The following ELL variants were observed in gnomAD, a reference collection of about 807,000 sequenced individuals.
ELL encodes the protein RNA polymerase II elongation factor ELL.
ELL carries 18 observed loss-of-function variants against 64.0 expected under a neutral mutation model. The ratio of observed to expected loss-of-function variants is 0.28; its 90% CI spans 0.19 to 0.42. The LOEUF is 0.42. ELL is among the 10% of genes least tolerant of loss of function. The pLI is 1.00. For missense variants in ELL, 797 were observed against 870.4 expected (o/e 0.92, Z 1.06); for synonymous variants, 399 against 376.2 (o/e 1.06, Z -0.70).
rs775876078 is a variant in ELL, at chr19:18,449,747, CCT to C, written c.1465+728_1465+729del. 9.9e-5 allele frequency among the ~76,000 whole-genome samples: 15 copies of C among 152,230 alleles called. No individual in the cohort carries two copies. The South Asian group carries it at 1.0e-3, about 10-fold the overall frequency. On this transcript the variant is annotated intron_variant, in intron 8 of 11. Coordinates refer to ENST00000262809, the MANE Select transcript of ELL (RefSeq NM_006532.4). This position sits in a 1 kb window ranked among gnomAD's most constrained non-coding sequence, Gnocchi z 4.4. ...ATCGCCACATGGGACCACTGCAGCC[CCT>C]GTCGCACATGGTGGTGGAACAGCCG...
rs78701603 is a variant in ELL, at chr19:18,513,056, A to G, written c.135+8865T>C. 3.3e-5 allele frequency among the ~76,000 whole-genome samples: 5 copies of G among 152,300 alleles called. No individual in the cohort carries two copies. In the East Asian group the frequency reaches 9.6e-4, roughly 29 times the overall value. On this transcript the variant is annotated intron_variant, in intron 1 of 11. Coordinates refer to ENST00000262809, the MANE Select transcript of ELL (RefSeq NM_006532.4). ...ATATACTTGCGGTCTCCCCATCTGA[A>G]GAACGGTGAGAAGGACTGACCACAG...
At chr19:18,514,639 CTG>C (rs1275534682) in intron 1 of ELL, among the ~76,000 whole-genome samples, 1 of 152,066 alleles carries the variant, frequency 6.6e-6, no homozygotes, top group Non-Finnish European at 1.5e-5. Context: ...CCTTTGGACT[CTG>C]TGGCTGACTA....
intron 1 of ELL, among the ~76,000 whole-genome samples, chr19:18,504,616 G>A (rs1247210231): frequency 6.6e-5 from 10 of 152,260 alleles, no homozygotes; most frequent in South Asian, 4.1e-4. Context: ...GCCTGGCACC[G>A]CCCACAGGGT....
chr19:18,458,751 G>A (rs1346938095), intron 5 of ELL, among the ~76,000 whole-genome samples: 2 of 152,142 alleles, frequency 1.3e-5, no homozygotes, highest in Non-Finnish European at 2.9e-5. Context: ...TCCCACGTCA[G>A]CCTCCCAGGT....
chr19:18,502,423 G>A (rs999318151), intron 1 of ELL, among the ~76,000 whole-genome samples: 5 of 152,154 alleles, frequency 3.3e-5, no homozygotes, highest in Non-Finnish European at 7.4e-5. Flanking sequence ...ACTGTGCCTC[G>A]CAGTGGGCAG....
At chr19:18,481,325 G>A (rs1975295408) in intron 1 of ELL, among the ~76,000 whole-genome samples, 1 of 152,222 alleles carries the variant, frequency 6.6e-6, no homozygotes, top group African/African-American at 2.4e-5. Flanking sequence ...GGGGCCAGAA[G>A]TCTGAAATCC....
chr19:18,474,888 C>G (rs943563446), intron 1 of ELL, among the ~76,000 whole-genome samples: 1 of 152,126 alleles, frequency 6.6e-6, no homozygotes, highest in Non-Finnish European at 1.5e-5. Flanking sequence ...TTTGGGAGGC[C>G]GAGGTGGGCA....
intron 1 of ELL, among the ~76,000 whole-genome samples, chr19:18,510,625 C>T (rs1975998808): frequency 6.6e-6 from 1 of 152,150 alleles, no homozygotes; most frequent in Admixed American, 6.5e-5. Context: ...GGTCCTAGCT[C>T]TCACAGGACA....
At position 18,517,707 on chromosome 19, in the gene ELL, T is replaced by A. The variant is rs183046344; in HGVS notation, c.135+4214A>T. Among the ~76,000 whole-genome samples, 236 of 149,938 alleles carry A rather than the reference T, an allele frequency of 1.6e-3. 4 individuals carry two copies. In the East Asian group the frequency reaches 0.028, roughly 18 times the overall value. On this transcript the variant is annotated intron_variant, in intron 1 of 11. Transcript: ENST00000262809. ...GAAACCCCATCTCTACAAAAAAAAA[T>A]TTTTTTTAATTAAAAGAAAAAGAAA...
intron 1 of ELL, among the ~76,000 whole-genome samples, chr19:18,491,427 T>C (rs978024502): frequency 1.6e-4 from 24 of 151,824 alleles, no homozygotes; most frequent in African/African-American, 4.6e-4. Flanking sequence ...TCAGTAGACT[T>C]TGAGTAAAGC....
At position 18,481,443 on chromosome 19, in the gene ELL, A is replaced by C. The variant is rs573858334; in HGVS notation, c.136-8561T>G. Reference sequence around the variant, plus strand: ...CCCTGGCTTGTGGCTGCATCACCCTAATCTCTGCCCACTGGGGTCATGCAG... The same window carrying C: ...CCCTGGCTTGTGGCTGCATCACCCTCATCTCTGCCCACTGGGGTCATGCAG... On this transcript the variant is annotated intron_variant, in intron 1 of 11. Transcript: ENST00000262809. 2.0e-5 allele frequency among the ~76,000 whole-genome samples: 3 copies of C among 151,978 alleles called. No homozygotes were observed. The South Asian group carries it at 6.3e-4, about 32-fold the overall frequency.
intron 6 of ELL, among the ~76,000 whole-genome samples, chr19:18,456,784 T>C (rs1974686940): frequency 6.6e-6 from 1 of 152,094 alleles, no homozygotes; most frequent in South Asian, 2.1e-4. Context: ...GGGAGGCTCC[T>C]GCAGTGACTT....
intron 1 of ELL, among the ~76,000 whole-genome samples, chr19:18,509,617 A>G (rs1011097963): frequency 0.037 from 4,711 of 128,620 alleles, 314 homozygotes; most frequent in African/African-American, 0.087. Context: ...ACACACACAC[A>G]CACACACACA....
intron 1 of ELL, among the ~76,000 whole-genome samples, chr19:18,477,061 A>G (rs950977847): frequency 1.3e-5 from 2 of 152,224 alleles, no homozygotes; most frequent in African/African-American, 4.8e-5. Context: ...CGTGGGAAGC[A>G]CAGAGATGCC....
intron 5 of ELL, 139 bp from the exon 6 acceptor site, chr19:18,458,468 T>A: frequency 7.4e-7 from 1 of 1,344,312 alleles, no homozygotes; most frequent in Non-Finnish European, 1.0e-6. Context: ...GGAAAGAGGA[T>A]GGCCCACTAC....
chr19:18,481,977 G>A lies in ELL; in HGVS notation c.136-9095C>T, dbSNP rs537407737. Among the ~76,000 whole-genome samples the A allele has an allele frequency of 1.7e-3, 258 of 152,274 alleles. 2 individuals carry two copies. Among genetic ancestry groups the A allele is most frequent in the African/African-American group, 5.8e-3 (240 of 41,556 alleles). On this transcript the variant is annotated intron_variant, in intron 1 of 11. Transcript: ENST00000262809. ...ACCATTTTGTACTGCCGCCGGCAGC[G>A]AATGAGAGTTCCTGTTGCTCCCCAT...
intron 6 of ELL, among the ~76,000 whole-genome samples, 156 bp downstream of exon 6, chr19:18,458,049 G>C (rs1974719592): frequency 6.6e-6 from 1 of 152,198 alleles, no homozygotes; most frequent in Admixed American, 6.5e-5. Flanking sequence ...GTGGGCAGTA[G>C]GGAGGATGGC....
At chr19:18,483,345 T>C (rs1201521224) in intron 1 of ELL, among the ~76,000 whole-genome samples, 1 of 152,148 alleles carries the variant, frequency 6.6e-6, no homozygotes, top group South Asian at 2.1e-4. Context: ...AGGTCCTTCT[T>C]CCAGAAGGCG....
intron 8 of ELL, among the ~76,000 whole-genome samples, 167 bp from the exon 9 acceptor site, chr19:18,446,981 G>C (rs896085059): frequency 6.6e-6 from 1 of 152,214 alleles, no homozygotes; most frequent in African/African-American, 2.4e-5. Context: ...TGAGCCCCTC[G>C]CACCTGGCAA....
Sources: allele counts gnomAD v4.1 joint callset (sites outside exome capture counted in the v4.1 genomes callset), GRCh38; gene constraint gnomAD v4.1.1; non-coding constraint Gnocchi (gnomAD v3.1); transcripts MANE v1.5; gene names NCBI Gene and HGNC (gene_info 2026-07-23, HGNC 2026-07-21).